The following PRKG1 variants were observed in gnomAD, a reference collection of about 807,000 sequenced individuals.
PRKG1 encodes cGMP-dependent protein kinase 1.
Under a neutral mutation model 88.1 loss-of-function variants are expected in PRKG1, and 35 were observed. That is an observed-to-expected ratio of 0.40 (90% CI 0.30 to 0.53). The LOEUF (loss-of-function observed/expected upper bound fraction) is 0.53. PRKG1 is among the 20% of genes least tolerant of loss of function. The pLI is 0.59. For missense variants in PRKG1, 540 were observed against 839.8 expected (o/e 0.64, Z 4.41); for synonymous variants, 303 against 292.5 (o/e 1.04, Z -0.37).
At chr10:52,017,701 C>G (rs1006026497) in intron 5 of PRKG1, among the ~76,000 whole-genome samples, 9 of 152,118 alleles carry the variant, frequency 5.9e-5, no homozygotes, top group Admixed American at 1.3e-4. Context: ...GAATATGAGT[C>G]TGGAGGTCTG....
At chr10:52,270,160 T>C (rs1051679563) in intron 10 of PRKG1, among the ~76,000 whole-genome samples, 1 of 152,016 alleles carries the variant, frequency 6.6e-6, no homozygotes, top group African/African-American at 2.4e-5. Flanking sequence ...GAAATAACAG[T>C]CTGCAGTCTC....
intron 2 of PRKG1, among the ~76,000 whole-genome samples, chr10:51,275,639 A>G (rs1840095813): frequency 6.6e-6 from 1 of 152,238 alleles, no homozygotes; most frequent in African/African-American, 2.4e-5. Context: ...CTTAACGAGC[A>G]CATATCAATA....
chr10:52,086,840 C>T (rs1334183151), intron 7 of PRKG1, among the ~76,000 whole-genome samples: 5 of 152,152 alleles, frequency 3.3e-5, no homozygotes, highest in African/African-American at 1.2e-4. Context: ...ACTCGCAGTT[C>T]CGCAGGGCTG....
At chr10:52,097,092 C>T (rs887882974) in intron 7 of PRKG1, among the ~76,000 whole-genome samples, 1 of 151,968 alleles carries the variant, frequency 6.6e-6, no homozygotes, top group Admixed American at 6.6e-5. Flanking sequence ...CAGACAGATT[C>T]AATAAAATTG....
intron 2 of PRKG1, among the ~76,000 whole-genome samples, chr10:51,341,357 G>A (rs1434993470): frequency 2.0e-5 from 3 of 152,178 alleles, no homozygotes; most frequent in Admixed American, 1.3e-4. Flanking sequence ...TTCACACCCT[G>A]CGGTTGAGCA....
At chr10:51,150,611 A>G (rs1256677375) in intron 1 of PRKG1, among the ~76,000 whole-genome samples, 1 of 152,146 alleles carries the variant, frequency 6.6e-6, no homozygotes, top group Non-Finnish European at 1.5e-5. Context: ...TGAAGGTATA[A>G]ATAGTAAGAT....
chr10:51,006,041 G>A (rs966749370), intron 1 of PRKG1, among the ~76,000 whole-genome samples: 2 of 152,156 alleles, frequency 1.3e-5, no homozygotes, highest in Non-Finnish European at 2.9e-5. Context: ...GGGGAGGTGT[G>A]CTTCCACTGA....
In PRKG1 at chr10:51,419,434, T is replaced by C. The variant is rs185971889; in HGVS notation, c.479-48289T>C. Reference sequence around the variant, plus strand: ...GAAGAACATGACGTTTTTTGGTCATTATTATTATTGCATTTCAACATTTAT... The same window carrying C: ...GAAGAACATGACGTTTTTTGGTCATCATTATTATTGCATTTCAACATTTAT... On this transcript the variant is annotated intron_variant, in intron 2 of 17. Coordinates refer to ENST00000373980, the MANE Select transcript of PRKG1 (RefSeq NM_006258.4). 3.4e-3 allele frequency among the ~76,000 whole-genome samples: 511 copies of C among 152,274 alleles called. 1 individual carries two copies. Among genetic ancestry groups the C allele is most frequent in the Non-Finnish European group, 5.4e-3 (370 of 68,010 alleles).
chr10:51,894,206 A>T (rs2132914373), intron 4 of PRKG1, among the ~76,000 whole-genome samples: 1 of 152,346 alleles, frequency 6.6e-6, no homozygotes, highest in Admixed American at 6.5e-5. Context: ...AAATGAAAAT[A>T]ATTGACTGGT....
chr10:52,032,958 CTT>C lies in PRKG1; in HGVS notation c.763-21524_763-21523del, dbSNP rs1845507415. 2.0e-5 allele frequency among the ~76,000 whole-genome samples: 3 copies of C among 152,154 alleles called. No homozygotes were observed. The South Asian group carries it at 6.2e-4, about 32-fold the overall frequency. On this transcript the variant is annotated intron_variant, in intron 5 of 17. Coordinates refer to ENST00000373980, the MANE Select transcript of PRKG1 (RefSeq NM_006258.4). ...TGAAGGCAGCAGTATGGAAGGAAGT[CTT>C]TATCTATAAAGATAGTTGTCAGGGT...
chr10:52,020,203 C>T (rs1315607117), intron 5 of PRKG1, among the ~76,000 whole-genome samples: 1 of 151,898 alleles, frequency 6.6e-6, no homozygotes, highest in African/African-American at 2.4e-5. Flanking sequence ...TAGTAAATCT[C>T]CAAAACTATT....
chr10:51,317,274 CT>C (rs1841345794), intron 2 of PRKG1, among the ~76,000 whole-genome samples: 1 of 152,120 alleles, frequency 6.6e-6, no homozygotes, highest in Non-Finnish European at 1.5e-5. Flanking sequence ...CTCTTACAAC[CT>C]ACATACTATA....
intron 9 of PRKG1, among the ~76,000 whole-genome samples, chr10:52,248,729 C>T (rs556197285): frequency 7.3e-5 from 11 of 151,138 alleles, no homozygotes; most frequent in Non-Finnish European, 1.6e-4. Context: ...ACTTAATATA[C>T]TCATCCTATT....
chr10:51,649,332 C>T (rs940186186), intron 3 of PRKG1, among the ~76,000 whole-genome samples: 2 of 152,030 alleles, frequency 1.3e-5, no homozygotes, highest in African/African-American at 4.8e-5. Context: ...ATATTAAGCA[C>T]TTTGGATGCC....
intron 1 of PRKG1, among the ~76,000 whole-genome samples, chr10:51,010,802 T>G (rs10740093): frequency 0.9 from 136,617 of 152,262 alleles, 61,473 homozygotes; most frequent in African/African-American, 0.96. Context: ...GTGATGAACA[T>G]CTCTCTGTAA....
At chr10:51,090,499 A>G (rs1844373534) in intron 1 of PRKG1, among the ~76,000 whole-genome samples, 1 of 152,138 alleles carries the variant, frequency 6.6e-6, no homozygotes, top group African/African-American at 2.4e-5. Context: ...ATTTTATTCA[A>G]TGAGCAGTTA....
At chr10:51,341,961 C>G (rs927315825) in intron 2 of PRKG1, among the ~76,000 whole-genome samples, 1 of 152,064 alleles carries the variant, frequency 6.6e-6, no homozygotes, top group African/African-American at 2.4e-5. Context: ...TATGGGGAAA[C>G]CTCCCCCATG....
intron 2 of PRKG1, among the ~76,000 whole-genome samples, chr10:51,446,598 G>GA (rs1357592245): frequency 6.6e-6 from 1 of 152,008 alleles, no homozygotes; most frequent in Non-Finnish European, 1.5e-5. Context: ...TCTGCCTCAA[G>GA]AACCAAATTA....
At chr10:51,389,604 T>A (rs1588905775) in intron 2 of PRKG1, among the ~76,000 whole-genome samples, 1 of 152,176 alleles carries the variant, frequency 6.6e-6, no homozygotes, top group African/African-American at 2.4e-5. Context: ...CATCAAGTCC[T>A]TGGCCAACTT....
Sources: allele counts gnomAD v4.1 joint callset (sites outside exome capture counted in the v4.1 genomes callset), GRCh38; gene constraint gnomAD v4.1.1; transcripts MANE v1.5; gene names NCBI Gene and HGNC (gene_info 2026-07-23, HGNC 2026-07-21).